Variants in ATG7 observed in about 807,000 individuals in gnomAD.
ATG7 encodes ubiquitin-like modifier-activating enzyme ATG7.
Under a neutral mutation model 82.4 loss-of-function variants are expected in ATG7, and 70 were observed. The ratio of observed to expected loss-of-function variants is 0.85; its 90% CI spans 0.70 to 1.04. The LOEUF is 1.04. Ranked by LOEUF, ATG7 falls within the 50% of genes least tolerant of loss-of-function variation. The pLI, the probability that ATG7 is intolerant of heterozygous loss-of-function variation, is 0.00. For synonymous variants in ATG7, 287 were observed against 313.0 expected (o/e 0.92, Z 0.88); for missense variants, 792 against 864.3 (o/e 0.92, Z 1.05).
At chr3:11,375,282 ATCC>A (rs2077331057) in intron 18 of ATG7, among the ~76,000 whole-genome samples, 23 of 152,232 alleles carry the variant, frequency 1.5e-4, no homozygotes, top group Admixed American at 1.5e-3. Context: ...AGAAACCTTT[ATCC>A]AGAATATGTA....
intron 20 of ATG7, among the ~76,000 whole-genome samples, chr3:11,485,328 A>G (rs1249248576): frequency 6.6e-6 from 1 of 152,228 alleles, no homozygotes; most frequent in East Asian, 1.9e-4. Flanking sequence ...TTTTGGCTGC[A>G]TAAATGTCGT....
chr3:11,366,644 C>G (rs1445529923), intron 18 of ATG7, among the ~76,000 whole-genome samples: 1 of 152,126 alleles, frequency 6.6e-6, no homozygotes, highest in Non-Finnish European at 1.5e-5. Context: ...CAGTCATGCC[C>G]CTGCACTGGT....
chr3:11,380,748 T>C (rs1035823837), intron 19 of ATG7, among the ~76,000 whole-genome samples: 1 of 152,216 alleles, frequency 6.6e-6, no homozygotes. Context: ...TTAAGGCTCA[T>C]GATTGCTGAT....
intron 20 of ATG7, among the ~76,000 whole-genome samples, chr3:11,430,232 C>A (rs1301486006): frequency 6.6e-6 from 1 of 152,060 alleles, no homozygotes; most frequent in Non-Finnish European, 1.5e-5. Flanking sequence ...AGAGGACCTC[C>A]TAGCAACAAA....
At chr3:11,485,196 C>T in intron 20 of ATG7, among the ~76,000 whole-genome samples, 1 of 152,212 alleles carries the variant, frequency 6.6e-6, no homozygotes, top group Non-Finnish European at 1.5e-5. Flanking sequence ...CACATCCTCT[C>T]CAGCACCTGT....
chr3:11,346,986 A>G (rs975711544), intron 13 of ATG7, among the ~76,000 whole-genome samples: 7 of 152,268 alleles, frequency 4.6e-5, no homozygotes, highest in Non-Finnish European at 1.0e-4. Context: ...TATTGAAATA[A>G]GAGAGAGCAG....
chr3:11,397,653 C>A (rs1278321403), intron 19 of ATG7, among the ~76,000 whole-genome samples: 1 of 151,714 alleles, frequency 6.6e-6, no homozygotes, highest in Non-Finnish European at 1.5e-5. Flanking sequence ...GATGGGGTTT[C>A]ACCATGTTGC....
chr3:11,411,648 A>AAAAAAAAT (rs2080913571), intron 19 of ATG7, among the ~76,000 whole-genome samples: 1 of 147,764 alleles, frequency 6.8e-6, no homozygotes, highest in African/African-American at 2.5e-5. Context: ...AAAAAAAAAA[A>AAAAAAAAT]TTCTTATCAG....
chr3:11,399,979 A>G (rs1053965288), intron 19 of ATG7, among the ~76,000 whole-genome samples: 2 of 152,242 alleles, frequency 1.3e-5, no homozygotes, highest in Admixed American at 6.5e-5. Flanking sequence ...AATGTAGCCT[A>G]TAGACTATAT....
chr3:11,395,980 A>G (rs2079230253), intron 19 of ATG7, among the ~76,000 whole-genome samples: 4 of 144,318 alleles, frequency 2.8e-5, no homozygotes, highest in Admixed American at 6.8e-5. Flanking sequence ...GGGGGGGAAG[A>G]GTAAAAGTGA....
chr3:11,351,817 G>A (rs1311085042), intron 14 of ATG7, among the ~76,000 whole-genome samples: 7 of 151,654 alleles, frequency 4.6e-5, no homozygotes, highest in Admixed American at 4.6e-4. Context: ...CAGCCTTAAG[G>A]GGCTTTCCTT....
At chr3:11,348,969 A>G (rs1955018751) in intron 14 of ATG7, among the ~76,000 whole-genome samples, 1 of 151,914 alleles carries the variant, frequency 6.6e-6, no homozygotes, top group Non-Finnish European at 1.5e-5. Flanking sequence ...AGCTAGACAC[A>G]GTGCTGACTG....
chr3:11,477,894 A>G (rs1347178550), intron 20 of ATG7, among the ~76,000 whole-genome samples: 1 of 152,208 alleles, frequency 6.6e-6, no homozygotes, highest in African/African-American at 2.4e-5. Flanking sequence ...AACAGGCCTG[A>G]TATCAGTAGC....
At chr3:11,289,647 T>C (rs957268180) in intron 3 of ATG7, among the ~76,000 whole-genome samples, 10 of 152,202 alleles carry the variant, frequency 6.6e-5, no homozygotes, top group African/African-American at 2.2e-4. Flanking sequence ...CTCAACCTCC[T>C]GGTGGGCTCG....
intron 20 of ATG7, among the ~76,000 whole-genome samples, chr3:11,466,494 G>A (rs375899505): frequency 7.9e-5 from 12 of 152,334 alleles, no homozygotes; most frequent in South Asian, 6.2e-4. Context: ...CCCAGTGGGA[G>A]AAAAATGTAA....
At chr3:11,307,105 C>G in intron 6 of ATG7, 45 bp downstream of exon 6, 1 of 1,551,036 alleles carries the variant, frequency 6.4e-7, no homozygotes, top group South Asian at 1.1e-5. Flanking sequence ...TCCTGTGGTC[C>G]TGGCAGGTGC....
At chr3:11,527,623 T>A (rs2092612706) in intron 20 of ATG7, among the ~76,000 whole-genome samples, 1 of 152,162 alleles carries the variant, frequency 6.6e-6, no homozygotes. Flanking sequence ...GTCATAGGCA[T>A]GAGAGTTACA....
chr3:11,398,510 A>G (rs946475200), intron 19 of ATG7, among the ~76,000 whole-genome samples: 5 of 152,344 alleles, frequency 3.3e-5, no homozygotes, highest in Middle Eastern at 3.4e-3. Flanking sequence ...ATTAAGAACT[A>G]TTTTAACTGA....
chr3:11,343,193 T>C (rs1953950670), intron 13 of ATG7, among the ~76,000 whole-genome samples: 1 of 152,192 alleles, frequency 6.6e-6, no homozygotes. Context: ...CCTCCCAAAG[T>C]GCTGGGTTTA....
Sources: gnomAD v4.1 joint callset for allele counts (sites outside exome capture counted in the v4.1 genomes callset) on GRCh38, gnomAD v4.1.1 for gene constraint, MANE v1.5 for transcripts, NCBI Gene and HGNC (gene_info 2026-07-23, HGNC 2026-07-21) for gene names.